SMARCAD1: variants seen among roughly 807,000 people sequenced by gnomAD.
The protein encoded by SMARCAD1 is SWI/SNF-related matrix-associated actin-dependent regulator of chromatin subfamily A containing DEAD/H box 1.
SMARCAD1 carries 25 observed loss-of-function variants against 127.1 expected under a neutral mutation model. The ratio of observed to expected loss-of-function variants is 0.20; its 90% CI spans 0.14 to 0.27. The LOEUF is 0.27. SMARCAD1 is among the 10% of genes least tolerant of loss of function. The pLI, the probability that SMARCAD1 is intolerant of heterozygous loss-of-function variation, is 1.00. For synonymous variants in SMARCAD1, 400 were observed against 396.9 expected (o/e 1.01, Z -0.09); for missense variants, 807 against 1,206.0 (o/e 0.67, Z 4.90).
intron 2 of SMARCAD1, among the ~76,000 whole-genome samples, chr4:94,210,598 A>T (rs987864099): frequency 6.6e-6 from 1 of 152,148 alleles, no homozygotes; most frequent in Non-Finnish European, 1.5e-5. Flanking sequence ...AGAGGTTTCA[A>T]AGTAATGAAG....
rs1168869050 is a variant in SMARCAD1 at position 94,289,872 on chromosome 4, A to C, written c.*338A>C. ...TATTTTTGTAATTATTTCTACCTCC[A>C]AATATATATATATTGTCTTTCACTG... On this transcript the variant is annotated 3_prime_UTR_variant, in exon 24 of 24. Transcript: ENST00000354268. 1.1e-5 allele frequency: 5 copies of C among 466,122 alleles called. No homozygotes were observed. The highest frequency in any genetic ancestry group is 2.1e-5 in the Non-Finnish European group (5 of 235,718). The allele number at this position is 466,122 out of a possible 1,614,324, so 28.9% of individuals were successfully genotyped here. A position where few individuals can be genotyped will look rare whatever the true frequency, so the allele number is the denominator to read the frequency against.
intron 3 of SMARCAD1, among the ~76,000 whole-genome samples, chr4:94,232,460 T>C (rs971806102): frequency 6.6e-6 from 1 of 152,166 alleles, no homozygotes. Context: ...GCAGGGAATA[T>C]AGAGAGGCAT....
chr4:94,277,616 A>G (rs1753485432), intron 16 of SMARCAD1, among the ~76,000 whole-genome samples: 1 of 152,234 alleles, frequency 6.6e-6, no homozygotes, highest in Non-Finnish European at 1.5e-5. Context: ...TAAAAGCGAC[A>G]GTAAAGAAAT....
At chr4:94,221,577 C>T (rs1210085939) in intron 2 of SMARCAD1, among the ~76,000 whole-genome samples, 3 of 152,098 alleles carry the variant, frequency 2.0e-5, no homozygotes, top group Non-Finnish European at 4.4e-5. Context: ...AAGGTAGAAA[C>T]AGATATGAGA....
At chr4:94,277,423 C>T (rs1753460770) in intron 16 of SMARCAD1, among the ~76,000 whole-genome samples, 1 of 152,126 alleles carries the variant, frequency 6.6e-6, no homozygotes, top group Non-Finnish European at 1.5e-5. Context: ...TGATGAAGAG[C>T]TCAGATATAT....
At position 94,273,730 on chromosome 4, in the gene SMARCAD1, G is replaced by T; in HGVS notation, c.1672+14G>T. ...CTTCAACTATAGGTTTGTAATACTG[G>T]AGACAACTGTATTTAACTTTATCAT... On this transcript the variant is annotated intron_variant, in intron 12 of 23. Transcript: ENST00000354268. 1 of 1,579,168 alleles carries T rather than the reference G, an allele frequency of 6.3e-7. No homozygotes were observed. Among genetic ancestry groups the T allele is most frequent in the Non-Finnish European group, 8.7e-7 (1 of 1,148,704 alleles).
At chr4:94,246,861 C>T (rs1359649978) in intron 6 of SMARCAD1, among the ~76,000 whole-genome samples, 21 of 152,154 alleles carry the variant, frequency 1.4e-4, no homozygotes, top group Admixed American at 9.8e-4. Flanking sequence ...AAGATAAAAA[C>T]GGATTGTTTC....
chr4:94,270,333 G>A (rs938696536), intron 10 of SMARCAD1, among the ~76,000 whole-genome samples: 30 of 151,968 alleles, frequency 2.0e-4, no homozygotes, highest in Admixed American at 1.5e-3. Context: ...TTATGTTTGT[G>A]TTTTTTTGTC....
intron 2 of SMARCAD1, among the ~76,000 whole-genome samples, chr4:94,225,270 TTTC>T (rs1190053799): frequency 1.3e-5 from 2 of 151,416 alleles, no homozygotes; most frequent in African/African-American, 4.8e-5. Flanking sequence ...TGGCATGTGT[TTTC>T]TTCTTGGGCC....
chr4:94,273,733 AC>A lies in SMARCAD1; in HGVS notation c.1672+18del. On this transcript the variant is annotated intron_variant, in intron 12 of 23. Transcript: ENST00000354268. ...CAACTATAGGTTTGTAATACTGGAG[AC>A]AACTGTATTTAACTTTATCATGTTT... is the stretch of plus-strand genomic sequence containing the variant. 1 of 1,569,742 alleles carries A rather than the reference AC, an allele frequency of 6.4e-7. No homozygotes were observed. The highest frequency in any genetic ancestry group is 8.8e-7 in the Non-Finnish European group (1 of 1,140,082).
chr4:94,269,333 G>A (rs910683674), intron 10 of SMARCAD1, among the ~76,000 whole-genome samples: 2 of 152,114 alleles, frequency 1.3e-5, no homozygotes, highest in African/African-American at 4.8e-5. Flanking sequence ...AAGGGGACAG[G>A]ATAAAAGCTG....
intron 22 of SMARCAD1, among the ~76,000 whole-genome samples, chr4:94,283,544 G>A (rs866206715): frequency 1.3e-5 from 2 of 152,126 alleles, no homozygotes; most frequent in Non-Finnish European, 1.5e-5. Flanking sequence ...AACAATTGAC[G>A]GCCGGGCGCC....
chr4:94,208,683 T>C, intron 2 of SMARCAD1, 99 bp downstream of exon 2: 1 of 1,149,452 alleles, frequency 8.7e-7, no homozygotes, highest in South Asian at 1.3e-5. Flanking sequence ...TCATATATAT[T>C]GATGCATTGT....
chr4:94,276,559 C>G (rs994118877), intron 15 of SMARCAD1, 85 bp downstream of exon 15: 18 of 1,491,138 alleles, frequency 1.2e-5, no homozygotes, highest in Non-Finnish European at 1.6e-5. Context: ...TTAGCAGAAT[C>G]TGTATTATGT....
intron 4 of SMARCAD1, among the ~76,000 whole-genome samples, chr4:94,236,202 C>T (rs966982650): frequency 3.9e-5 from 6 of 152,026 alleles, no homozygotes; most frequent in African/African-American, 1.4e-4. Flanking sequence ...TGATTTGAGG[C>T]TACTTGATTT....
intron 9 of SMARCAD1, 60 bp from the exon 10 acceptor site, chr4:94,264,646 AG>A: frequency 1.4e-6 from 2 of 1,442,366 alleles, no homozygotes; most frequent in Non-Finnish European, 1.9e-6. Context: ...TAAAGAAATC[AG>A]GATTGCCTTT....
Position 94,277,142 on chromosome 4 carries a change from A to G in SMARCAD1, c.2065A>G (p.Met689Val), listed in dbSNP as rs1300826479. 2 of 1,614,056 alleles carry G rather than the reference A, an allele frequency of 1.2e-6. No individual in the cohort carries two copies. Among genetic ancestry groups the G allele is most frequent in the Non-Finnish European group, 1.7e-6 (2 of 1,179,958 alleles). ...FSSSTSEIRRMFSSKTKSADE... is the reference protein window; with the variant it reads ...FSSSTSEIRRVFSSKTKSADE... ...TAGTAGCACCAGTGAAATACGAAGA[A>G]TGTTTTCCTCTAAGACAGTAAGCAT... is the stretch of plus-strand genomic sequence containing the variant. The change falls in exon 16 of 24, where the codon ATG becomes GTG. Residue 689 changes from methionine to valine, a missense_variant. This residue lies in a region of SMARCAD1 where 148 missense variants were observed against 313.2 expected (regional missense o/e 0.47). Transcript: ENST00000354268.
chr4:94,280,510 A>G (rs1374950162), intron 19 of SMARCAD1, 82 bp from the exon 20 acceptor site: 14 of 1,198,066 alleles, frequency 1.2e-5, no homozygotes, highest in African/African-American at 3.1e-5. Context: ...TTTATCAGGT[A>G]TAAACAGTTT....
At position 94,278,649 on chromosome 4, in the gene SMARCAD1, A is replaced by T; in HGVS notation, c.2212A>T (p.Ile738Phe). The T allele has an allele frequency of 6.2e-7, 1 of 1,614,060 alleles. No homozygotes were observed. The change falls in exon 18 of 24, where the codon ATT (isoleucine) becomes TTT (phenylalanine). Residue 738 changes from isoleucine (I) to phenylalanine (F), a missense_variant. By Grantham distance (21) the Ile-to-Phe change is conservative. Transcript: ENST00000354268. ...LKQLPPKKDR[I>F]ELCAMSEKQE... ...GCAGTTACCCCCCAAGAAAGATCGA[A>T]TTGAGTTGTGTGCAATGTCGGAGAA...
Sources: gnomAD v4.1 joint callset for allele counts (sites outside exome capture counted in the v4.1 genomes callset) on GRCh38, gnomAD v4.1.1 for gene constraint, gnomAD v4.1.1 regional missense constraint, MANE v1.5 for transcripts, NCBI Gene and HGNC (gene_info 2026-07-23, HGNC 2026-07-21) for gene names.